Variants in EEF2 observed in about 807,000 individuals in gnomAD.
EEF2 encodes the protein elongation factor 2.
Under a neutral mutation model 85.3 loss-of-function variants are expected in EEF2, and 21 were observed. The observed-to-expected ratio is 0.25, with a 90% confidence interval of 0.17 to 0.35. The LOEUF (loss-of-function observed/expected upper bound fraction) is 0.35. Ranked by LOEUF, EEF2 falls within the 10% of genes least tolerant of loss-of-function variation. The probability of loss-of-function intolerance (pLI) is 1.00; values close to 1 mark genes in which losing one functional copy is unlikely to be tolerated. For synonymous variants in EEF2, 723 were observed against 508.8 expected (o/e 1.42, Z -5.67); for missense variants, 825 against 1,225.3 (o/e 0.67, Z 4.88).
intron 2 of EEF2, chr19:3,983,914 G>A (rs574805470): frequency 3.4e-6 from 2 of 581,772 alleles, no homozygotes; most frequent in South Asian, 2.0e-5. Flanking sequence ...GAACCACGGA[G>A]TTAAGCCCCC....
intron 11 of EEF2, among the ~76,000 whole-genome samples, chr19:3,978,647 T>C (rs963229100): frequency 4.8e-5 from 7 of 146,030 alleles, no homozygotes; most frequent in African/African-American, 1.5e-4. Flanking sequence ...CTACTAAAAA[T>C]GCAAAAAATT....
At chr19:3,979,204 TAAG>T (rs910949604) in intron 11 of EEF2, 122 bp downstream of exon 11, 8 of 694,274 alleles carry the variant, frequency 1.2e-5, no homozygotes, top group East Asian at 5.1e-5. Context: ...TTGAGGAACT[TAAG>T]AAGCTGAGAC....
intron 8 of EEF2, 51 bp downstream of exon 8, chr19:3,980,790 A>G: frequency 6.3e-7 from 1 of 1,590,190 alleles, no homozygotes; most frequent in Non-Finnish European, 8.6e-7. Context: ...ACCTTGGGCA[A>G]CAGGAAGTCA....
At chr19:3,979,225 G>A (rs556756894) in intron 11 of EEF2, 104 bp downstream of exon 11, 17 of 843,782 alleles carry the variant, frequency 2.0e-5, no homozygotes, top group South Asian at 4.9e-5. Flanking sequence ...GACCAAGACC[G>A]AGATCAAGTC....
chr19:3,979,994 C>T lies in EEF2; in HGVS notation c.1419G>A (p.Val473=). 1 of 1,613,868 alleles carries T rather than the reference C, an allele frequency of 6.2e-7. No individual in the cohort carries two copies. Among genetic ancestry groups the T allele is most frequent in the Non-Finnish European group, 8.5e-7 (1 of 1,180,042 alleles). Residue 473 remains valine (V), a synonymous_variant, in exon 10 of 15, where the codon GTG becomes GTA. Coordinates refer to ENST00000309311, the MANE Select transcript of EEF2 (RefSeq NM_001961.4). ...TCTTCACCAGGAACTGGTCCACGCC[C>T]ACGAGGCCCACAATGTTCCCACAAG... is the stretch of plus-strand genomic sequence containing the variant. ...DVPCGNIVGL[V]GVDQFLVKTG...
chr19:3,981,622 G>A (rs1434456614), intron 6 of EEF2, among the ~76,000 whole-genome samples, 170 bp from the exon 7 acceptor site: 1 of 152,238 alleles, frequency 6.6e-6, no homozygotes, highest in Non-Finnish European at 1.5e-5. Context: ...ATCGGGAGCT[G>A]GAGGAAACCT....
chr19:3,982,244 A>C lies in EEF2; in HGVS notation c.791+2T>G. 1 of 1,613,818 alleles carries C rather than the reference A, an allele frequency of 6.2e-7. No individual in the cohort carries two copies. Among genetic ancestry groups the C allele is most frequent in the South Asian group, 1.1e-5 (1 of 91,072 alleles). ...TCCCCCACCATATCCCGCGGGGCTC[A>C]CCTGTCACCCCACAGCTTCTTCATC... is the stretch of plus-strand genomic sequence containing the variant. On this transcript the variant is annotated splice_donor_variant, in intron 5 of 14. Transcript: ENST00000309311. LOFTEE classifies it high-confidence loss of function.
In EEF2 at chr19:3,978,125, C is replaced by T. The variant is rs370836485; in HGVS notation, c.1761G>A (p.Ser587=). 2.8e-5 allele frequency: 42 copies of T among 1,491,986 alleles called. No homozygotes were observed. Among genetic ancestry groups the T allele is most frequent in the South Asian group, 6.7e-5 (5 of 74,518 alleles). 92.4% of individuals were successfully genotyped at this position (1,491,986 alleles called of 1,614,324 possible). Residue 587 remains serine (S), a synonymous_variant, in exon 12 of 15, where the codon TCG becomes TCA. Transcript: ENST00000309311. ...GGGACTTGGAGAGGCAGAGCACGTT[C>T]GACTCTTCACTGACCGTCTCGCGGT... ...VSYRETVSEE[S]NVLCLSKSPN...
intron 14 of EEF2, 36 bp from the exon 15 acceptor site, chr19:3,976,783 A>G (rs1369953762): frequency 1.3e-6 from 2 of 1,493,242 alleles, no homozygotes; most frequent in South Asian, 1.3e-5. Flanking sequence ...TGGGCCATCG[A>G]GAAGGTGGCA....
Position 3,982,272 on chromosome 19 carries a change from G to A in EEF2, c.765C>T (p.Asp255=), listed in dbSNP as rs889733535. The stretch of plus-strand genomic sequence containing the variant: ...TGTCACCCCACAGCTTCTTCATCAT[G>A]TCCTCTACTTTCTTGGCCCGCTCGG... ...GPAERAKKVE[D]MMKKLWGDRY... Residue 255 remains aspartate, a synonymous_variant, in exon 5 of 15, where the codon GAC becomes GAT. Transcript: ENST00000309311. 6.2e-7 allele frequency: 1 copy of A among 1,614,160 alleles called. No homozygotes were observed. Among genetic ancestry groups the A allele is most frequent in the Non-Finnish European group, 8.5e-7 (1 of 1,180,036 alleles).
At position 3,982,956 on chromosome 19, in the gene EEF2, G is replaced by T. The variant is rs199983367; in HGVS notation, c.463C>A (p.Leu155Met). 4 of 1,613,018 alleles carry T rather than the reference G, an allele frequency of 2.5e-6. No individual in the cohort carries two copies. Among genetic ancestry groups the T allele is most frequent in the Non-Finnish European group, 3.4e-6 (4 of 1,179,964 alleles). Residue 155 changes from leucine to methionine, a missense_variant, in exon 4 of 15, where the codon CTG becomes ATG. Coordinates refer to ENST00000309311, the MANE Select transcript of EEF2 (RefSeq NM_001961.4). Reference sequence around the variant, plus strand: ...GCGCGGTCCATCTTGTTCATCATCAGCACAGGCTTGATGCGCTCGGCAATG... The same window carrying T: ...GCGCGGTCCATCTTGTTCATCATCATCACAGGCTTGATGCGCTCGGCAATG... The part of the protein sequence containing the change: ...QAIAERIKPV[L>M]MMNKMDRALL...
At chr19:3,981,911 C>A in intron 6 of EEF2, 36 bp downstream of exon 6, 1 of 1,593,164 alleles carries the variant, frequency 6.3e-7, no homozygotes. Context: ...GGCCAATAGT[C>A]GCATCGGCGG....
At chr19:3,976,782 G>A (rs773005695) in intron 14 of EEF2, 35 bp from the exon 15 acceptor site, 33 of 1,498,538 alleles carry the variant, frequency 2.2e-5, no homozygotes, top group Admixed American at 6.8e-5. Context: ...CTGGGCCATC[G>A]AGAAGGTGGC....
intron 5 of EEF2, 76 bp downstream of exon 5, chr19:3,982,170 T>C (rs950952039): frequency 6.2e-7 from 1 of 1,600,864 alleles, no homozygotes; most frequent in African/African-American, 1.3e-5. Context: ...ACGCTGTGAA[T>C]AGCACACCAC....
chr19:3,980,606 C>G lies in EEF2; in HGVS notation c.1254G>C (p.Ser418=), dbSNP rs761179762. Residue 418 remains serine, a synonymous_variant, in exon 9 of 15, where the codon TCG becomes TCC. Transcript: ENST00000309311. The part of the protein sequence containing the change: ...GRFYAFGRVF[S]GLVSTGLKVR... The stretch of plus-strand genomic sequence containing the variant: ...CCTTCAGGCCAGTGGAGACCAGCCC[C>G]GAGAAGACTCGTCCAAAGGCGTAGA... The G allele has an allele frequency of 6.2e-7, 1 of 1,614,192 alleles. No homozygotes were observed. The highest frequency in any genetic ancestry group is 8.5e-7 in the Non-Finnish European group (1 of 1,180,030).
intron 9 of EEF2, 129 bp downstream of exon 9, chr19:3,980,385 T>C (rs2039730477): frequency 8.2e-7 from 1 of 1,226,376 alleles, no homozygotes; most frequent in Non-Finnish European, 1.1e-6. Context: ...AAGTTGTGGC[T>C]GGCACAAGTA....
chr19:3,977,715 C>G lies in EEF2; in HGVS notation c.2067+104G>C. 2 of 1,479,686 alleles carry G rather than the reference C, an allele frequency of 1.4e-6. No homozygotes were observed. The highest frequency in any genetic ancestry group is 1.8e-6 in the Non-Finnish European group (2 of 1,117,904). The allele number at this position is 1,479,686 out of a possible 1,614,324, so 91.7% of individuals were successfully genotyped here. A position where few individuals can be genotyped will look rare whatever the true frequency, so the allele number is the denominator to read the frequency against. On this transcript the variant is annotated intron_variant, in intron 12 of 14. Coordinates refer to ENST00000309311, the MANE Select transcript of EEF2 (RefSeq NM_001961.4). This position sits in a 1 kb window ranked among gnomAD's most constrained non-coding sequence, Gnocchi z 5.4. ...TCCACCAGGGGGACCTGGGGCCTTG[C>G]CCGCCTTGGCCCCATTAGGGTCTCT...
At chr19:3,984,008 C>G in intron 2 of EEF2, 128 bp downstream of exon 2, 1 of 968,510 alleles carries the variant, frequency 1.0e-6, no homozygotes, top group South Asian at 1.6e-5. Context: ...CTCACTCATT[C>G]TCCCATGAAT....
chr19:3,979,661 C>T (rs534029851), intron 10 of EEF2, 147 bp downstream of exon 10: 2 of 1,291,968 alleles, frequency 1.5e-6, no homozygotes, highest in South Asian at 2.8e-5. Context: ...GGGCAGGAGT[C>T]TCCATTTACA....
Sources: allele counts gnomAD v4.1 joint callset (sites outside exome capture counted in the v4.1 genomes callset), GRCh38; gene constraint gnomAD v4.1.1; non-coding constraint Gnocchi (gnomAD v3.1); transcripts MANE v1.5; gene names NCBI Gene and HGNC (gene_info 2026-07-23, HGNC 2026-07-21).